The following SLC43A3 variants were observed in gnomAD, a reference collection of about 807,000 sequenced individuals.
SLC43A3 encodes equilibrative nucleobase transporter 1.
SLC43A3 carries 33 observed loss-of-function variants against 53.3 expected under a neutral mutation model. The observed-to-expected ratio is 0.62, with a 90% CI of 0.47 to 0.83. The LOEUF (loss-of-function observed/expected upper bound fraction) is 0.83. Among genes scored for constraint, SLC43A3 ranks in the 40% least tolerant of loss-of-function variants. The pLI, the probability that SLC43A3 is intolerant of heterozygous loss-of-function variation, is 0.00. For synonymous variants in SLC43A3, 236 were observed against 246.2 expected, an observed-to-expected ratio of 0.96 and a Z score of 0.39; for missense variants, 530 against 610.0, an observed-to-expected ratio of 0.87 and a Z score of 1.38.
At chr11:57,424,154 G>T (rs111908581) in intron 4 of SLC43A3, 126 bp from the exon 5 acceptor site, 1 of 865,936 alleles carries the variant, frequency 1.2e-6, no homozygotes, top group South Asian at 1.5e-5. Flanking sequence ...GGGATGCAAC[G>T]GGCACTGATG....
At chr11:57,409,865 T>G in intron 12 of SLC43A3, 70 bp downstream of exon 12, 1 of 1,440,082 alleles carries the variant, frequency 6.9e-7, no homozygotes, top group Non-Finnish European at 9.3e-7. Context: ...TGCCTCCCAA[T>G]TTCTTTACCT....
chr11:57,421,062 A>T lies in SLC43A3; in HGVS notation c.441T>A (p.Ile147=). 1.2e-6 allele frequency: 2 copies of T among 1,607,534 alleles called. No homozygotes were observed. Among genetic ancestry groups the T allele is most frequent in the Non-Finnish European group, 1.7e-6 (2 of 1,174,006 alleles). ...AACGGTGTTGGCCAAATAGGTTCCC[A>T]ATCTGGGGATGATAGGACTAGCCTG... The part of the protein sequence containing the change: ...GILFLITNLQ[I]GNLFGQHRST... The change falls in exon 7 of 14, where the codon ATT becomes ATA. Residue 147 remains isoleucine, a splice_region_variant and synonymous_variant. Transcript: ENST00000395124.
intron 9 of SLC43A3, among the ~76,000 whole-genome samples, chr11:57,416,212 A>G (rs1191089907): frequency 2.0e-5 from 3 of 152,194 alleles, no homozygotes; most frequent in African/African-American, 4.8e-5. Context: ...AGTTGGGACA[A>G]TAAGAGAGGG....
At position 57,426,177 on chromosome 11, in the gene SLC43A3, A is replaced by G; in HGVS notation, c.-5T>C. ...GGGCAGGCCCTGGCCCGCCATGAGCAGAAGTGGAGTGGATCTTCAAATCCC... is the reference window on the plus strand; with the variant it reads ...GGGCAGGCCCTGGCCCGCCATGAGCGGAAGTGGAGTGGATCTTCAAATCCC... On this transcript the variant is annotated 5_prime_UTR_variant, in exon 3 of 14. Coordinates refer to ENST00000395124, the MANE Select transcript of SLC43A3 (RefSeq NM_199329.3). 6.2e-7 allele frequency: 1 copy of G among 1,613,940 alleles called. No individual in the cohort carries two copies. The highest frequency in any genetic ancestry group is 8.5e-7 in the Non-Finnish European group (1 of 1,179,896).
chr11:57,408,317 T>C (rs1479819474), intron 13 of SLC43A3: 1 of 161,368 alleles, frequency 6.2e-6, no homozygotes, highest in African/African-American at 2.4e-5. Flanking sequence ...ATCACAGCAT[T>C]TTGGAAGGCA....
chr11:57,410,905 C>G (rs1302757754), intron 11 of SLC43A3, among the ~76,000 whole-genome samples: 1 of 152,122 alleles, frequency 6.6e-6, no homozygotes, highest in Non-Finnish European at 1.5e-5. Flanking sequence ...GATTCTTCCT[C>G]ATTTTTCTCT....
chr11:57,421,899 CTG>C (rs1429261528), intron 5 of SLC43A3, among the ~76,000 whole-genome samples: 2 of 152,224 alleles, frequency 1.3e-5, no homozygotes, highest in Admixed American at 6.5e-5. Context: ...TCACTAAACT[CTG>C]AGCACTTCTT....
Position 57,425,554 on chromosome 11 carries a change from G to A in SLC43A3, c.301C>T (p.Arg101Cys), listed in dbSNP as rs140882001. The change falls in exon 4 of 14, where the codon CGC (arginine) becomes TGC (cysteine). Residue 101 changes from arginine (R) to cysteine (C), a missense_variant. Arg to Cys is a radical substitution (Grantham distance 180). Coordinates refer to ENST00000395124, the MANE Select transcript of SLC43A3 (RefSeq NM_199329.3). Reference protein sequence around the residue: ...IFDRFKTTVARLIAIFFYTTA... With the variant: ...IFDRFKTTVACLIAIFFYTTA... ...TTTGGGACTTACATGGCTATGAGGC[G>A]TGCCACGGTGGTCTTGAACCGGTCA... The A allele has an allele frequency of 1.6e-5, 26 of 1,613,800 alleles. No homozygotes were observed. The highest frequency in any genetic ancestry group is 1.9e-5 in the Non-Finnish European group (22 of 1,179,966).
rs1943097394 is a variant in SLC43A3, at chr11:57,423,964, C to A, written c.361+18G>T. 1.2e-6 allele frequency: 2 copies of A among 1,613,902 alleles called. No individual in the cohort carries two copies. Among genetic ancestry groups the A allele is most frequent in the Non-Finnish European group, 1.7e-6 (2 of 1,179,782 alleles). ...GCCTCTGAGCTTGCATCCCTCCCAC[C>A]CACCTGACAGCACTCACCTGCAGAG... is the stretch of plus-strand genomic sequence containing the variant. On this transcript the variant is annotated intron_variant, in intron 5 of 13. Transcript: ENST00000395124.
At position 57,426,318 on chromosome 11, in the gene SLC43A3, T is replaced by C; in HGVS notation, c.-146A>G. The C allele has an allele frequency of 1.4e-6, 1 of 706,632 alleles. No individual in the cohort carries two copies. Among genetic ancestry groups the C allele is most frequent in the Non-Finnish European group, 2.3e-6 (1 of 432,496 alleles). The allele number at this position is 706,632 out of a possible 1,614,324, so 43.8% of individuals were successfully genotyped here. On this transcript the variant is annotated 5_prime_UTR_variant, in exon 3 of 14. Transcript: ENST00000395124. ...CGTAGCTCTCTGGTTGTTTCAGGCC[T>C]GGGCAAAAACCATCAGCGGGTGATT...
chr11:57,418,354 A>C (rs1942820401), intron 7 of SLC43A3, among the ~76,000 whole-genome samples: 1 of 152,016 alleles, frequency 6.6e-6, no homozygotes, highest in East Asian at 1.9e-4. Context: ...AAAAAAAGGA[A>C]AGGAAAGAAA....
At chr11:57,425,440 G>A in intron 4 of SLC43A3, 101 bp downstream of exon 4, 3 of 1,272,592 alleles carry the variant, frequency 2.4e-6, no homozygotes, top group Non-Finnish European at 3.4e-6. Context: ...GTGCCTGGCA[G>A]GGTGGCCGGG....
chr11:57,421,133 A>C (rs1183273998), intron 6 of SLC43A3, 69 bp from the exon 7 acceptor site: 5 of 1,328,108 alleles, frequency 3.8e-6, no homozygotes, highest in Non-Finnish European at 5.4e-6. Context: ...AGCACCCAGC[A>C]TGTGGCAGAC....
intron 5 of SLC43A3, among the ~76,000 whole-genome samples, chr11:57,421,950 T>C (rs534898324): frequency 2.0e-5 from 3 of 152,220 alleles, no homozygotes; most frequent in African/African-American, 7.2e-5. Context: ...AAATGCAAGA[T>C]GAATCAGATA....
At chr11:57,409,590 C>T (rs1241770484) in intron 12 of SLC43A3, among the ~76,000 whole-genome samples, 1 of 152,152 alleles carries the variant, frequency 6.6e-6, no homozygotes, top group East Asian at 1.9e-4. Context: ...ACAATGCACG[C>T]ACTAGCAAAG....
chr11:57,409,826 C>T, intron 12 of SLC43A3, 109 bp downstream of exon 12: 1 of 1,073,152 alleles, frequency 9.3e-7, no homozygotes, highest in Non-Finnish European at 1.3e-6. Context: ...ACCCAGTCTC[C>T]CGCACCTGAC....
At position 57,415,053 on chromosome 11, in the gene SLC43A3, A is replaced by C; in HGVS notation, c.823T>G (p.Phe275Val). The change falls in exon 10 of 14, where the codon TTC (phenylalanine) becomes GTC (valine). Residue 275 changes from phenylalanine to valine, a missense_variant. This residue lies in a region of SLC43A3 where 376 missense variants were observed against 386.7 expected (regional missense o/e 0.97). Coordinates refer to ENST00000395124, the MANE Select transcript of SLC43A3 (RefSeq NM_199329.3). ...AGGTGCCAGGCAAAGCGCCGAGAGA[A>C]AGCGTAGCTCCAGAAGGAGCGGAGT... The part of the protein sequence containing the change: ...QELRSFWSYA[F>V]SRRFAWHLVW... The C allele has an allele frequency of 6.2e-7, 1 of 1,614,128 alleles. No homozygotes were observed. Among genetic ancestry groups the C allele is most frequent in the Non-Finnish European group, 8.5e-7 (1 of 1,179,984 alleles).
chr11:57,408,885 C>A, intron 13 of SLC43A3: 1 of 364,504 alleles, frequency 2.7e-6, no homozygotes, highest in South Asian at 3.0e-5. Context: ...ACTGTGGAAA[C>A]CCTGTGTGGG....
chr11:57,413,610 G>C (rs1942582850), intron 11 of SLC43A3, among the ~76,000 whole-genome samples: 1 of 152,156 alleles, frequency 6.6e-6, no homozygotes, highest in African/African-American at 2.4e-5. Flanking sequence ...CAAAATGTTA[G>C]TCTACTTTTG....
Sources: gnomAD v4.1 joint callset for allele counts (sites outside exome capture counted in the v4.1 genomes callset) on GRCh38, gnomAD v4.1.1 for gene constraint, gnomAD v4.1.1 regional missense constraint, MANE v1.5 for transcripts, NCBI Gene and HGNC (gene_info 2026-07-23, HGNC 2026-07-21) for gene names.